The following WDHD1 variants were observed in gnomAD, a reference collection of about 807,000 sequenced individuals.
WDHD1 encodes the protein WD repeat and HMG-box DNA binding protein 1.
A neutral mutation model predicts 135.4 loss-of-function variants in WDHD1; 111 were observed. The ratio of observed to expected loss-of-function variants is 0.82; its 90% CI spans 0.70 to 0.96. The LOEUF (loss-of-function observed/expected upper bound fraction) is 0.96, where lower values mean the gene tolerates loss of function less well. WDHD1 is among the 40% of genes least tolerant of loss of function. The pLI, the probability that WDHD1 is intolerant of heterozygous loss-of-function variation, is 0.00. For missense variants in WDHD1, 1,351 were observed against 1,336.3 expected (o/e 1.01, Z -0.17); for synonymous variants, 434 against 439.0 (o/e 0.99, Z 0.14).
At chr14:55,015,024 G>C (rs1258073959) in intron 2 of WDHD1, among the ~76,000 whole-genome samples, 1 of 152,276 alleles carries the variant, frequency 6.6e-6, no homozygotes. Flanking sequence ...CTTAATGCCA[G>C]AGTAAGGTGG....
In WDHD1 at chr14:54,994,090, C is replaced by A. The variant is rs142138992; in HGVS notation, c.1153+1513G>T. ...AATAAGCACTCTATTTGAAGATTTT[C>A]AATTACAATCTCAATTTCTTCATTT... On this transcript the variant is annotated intron_variant, in intron 11 of 25. Coordinates refer to ENST00000360586, the MANE Select transcript of WDHD1 (RefSeq NM_007086.4). Among the ~76,000 whole-genome samples the A allele has an allele frequency of 3.1e-4, 47 of 150,344 alleles. 1 individual carries two copies. The highest frequency in any genetic ancestry group is 1.1e-3 in the African/African-American group (44 of 39,926).
intron 12 of WDHD1, 144 bp from the exon 13 acceptor site, chr14:54,989,356 T>C: frequency 1.8e-6 from 1 of 555,340 alleles, no homozygotes; most frequent in Non-Finnish European, 3.0e-6. Context: ...CTCATCTATC[T>C]CTAAATAGTT....
chr14:55,019,107 T>C (rs2042304346), intron 2 of WDHD1, among the ~76,000 whole-genome samples: 1 of 152,254 alleles, frequency 6.6e-6, no homozygotes, highest in Non-Finnish European at 1.5e-5. Context: ...AGGCTACAGC[T>C]AATTTTTTAT....
At chr14:55,024,274 C>A (rs189969534) in intron 2 of WDHD1, among the ~76,000 whole-genome samples, 51 of 152,326 alleles carry the variant, frequency 3.3e-4, no homozygotes, top group Non-Finnish European at 2.5e-4. Context: ...AGAAATCCTA[C>A]AATAATCACA....
intron 10 of WDHD1, among the ~76,000 whole-genome samples, chr14:54,999,933 T>G (rs2041952085): frequency 6.6e-6 from 1 of 152,180 alleles, no homozygotes; most frequent in Non-Finnish European, 1.5e-5. Context: ...ACTGACTTCT[T>G]TAACCTTATG....
At chr14:54,985,466 T>A (rs186388236) in intron 14 of WDHD1, among the ~76,000 whole-genome samples, 2 of 152,066 alleles carry the variant, frequency 1.3e-5, no homozygotes, top group Non-Finnish European at 2.9e-5. Context: ...GGCCAGAACA[T>A]GGTAATGAGA....
chr14:55,005,081 A>G, intron 7 of WDHD1: 1 of 539,772 alleles, frequency 1.9e-6, no homozygotes, highest in South Asian at 1.4e-5. Context: ...CAATCTCCTC[A>G]GGAACACTGT....
At chr14:54,955,843 A>G (rs1217363249) in intron 23 of WDHD1, 149 bp from the exon 24 acceptor site, 1 of 709,848 alleles carries the variant, frequency 1.4e-6, no homozygotes, top group African/African-American at 1.9e-5. Context: ...TTGTAAATAA[A>G]TAGGCAAACA....
At chr14:54,993,252 G>C (rs1338701911) in intron 11 of WDHD1, among the ~76,000 whole-genome samples, 2 of 152,022 alleles carry the variant, frequency 1.3e-5, no homozygotes, top group Non-Finnish European at 2.9e-5. Context: ...CAAGTAGGTG[G>C]GATTACAGGC....
At position 54,947,581 on chromosome 14, in the gene WDHD1, G is replaced by C. The variant is rs145788043; in HGVS notation, c.3051-3111C>G. Among the ~76,000 whole-genome samples the C allele has an allele frequency of 5.3e-3, 808 of 152,160 alleles. 10 individuals carry two copies. The highest frequency in any genetic ancestry group is 0.018 in the African/African-American group (764 of 41,528). On this transcript the variant is annotated intron_variant, in intron 24 of 25. Coordinates refer to ENST00000360586, the MANE Select transcript of WDHD1 (RefSeq NM_007086.4). ...GATATATTATGGTAAAAATGAAATT[G>C]TGACTGTTCTTTTCTTTTTGTTTTT... is the stretch of plus-strand genomic sequence containing the variant.
Position 54,962,850 on chromosome 14 carries a change from G to C in WDHD1, c.2535C>G (p.Tyr845Ter), listed in dbSNP as rs745408547. 1 of 1,611,904 alleles carries C rather than the reference G, an allele frequency of 6.2e-7. No individual in the cohort carries two copies. The highest frequency in any genetic ancestry group is 2.2e-5 in the East Asian group (1 of 44,872). The change falls in exon 20 of 26, where the codon TAC (tyrosine) becomes TAG (stop). Residue 845 changes from tyrosine to a stop codon, truncating the protein, a stop_gained. Coordinates refer to ENST00000360586, the MANE Select transcript of WDHD1 (RefSeq NM_007086.4). LOFTEE classifies it high-confidence loss of function. ...EDFRKKLNAG[Y>*]SNTATEWSQP... ...GGCTCCACTCTGTAGCAGTATTGCT[G>C]TAACTAAGAGAAAATAATATTATTC... is the stretch of plus-strand genomic sequence containing the variant.
At chr14:55,014,190 CTCAAGT>C (rs1380173822) in intron 2 of WDHD1, among the ~76,000 whole-genome samples, 2 of 152,198 alleles carry the variant, frequency 1.3e-5, no homozygotes, top group South Asian at 2.1e-4. Flanking sequence ...GCCTCCCAGG[CTCAAGT>C]GATCAAACCA....
chr14:54,957,727 T>C, intron 21 of WDHD1, 92 bp from the exon 22 acceptor site: 2 of 1,072,382 alleles, frequency 1.9e-6, no homozygotes, highest in East Asian at 2.5e-5. Context: ...TAATCCCCAT[T>C]AAATGAAAAC....
chr14:54,941,949 T>G (rs1484640018), intron 25 of WDHD1, among the ~76,000 whole-genome samples: 1 of 152,146 alleles, frequency 6.6e-6, no homozygotes, highest in East Asian at 1.9e-4. Context: ...ATTGCAGTAC[T>G]ATTTAAAAAT....
intron 7 of WDHD1, among the ~76,000 whole-genome samples, chr14:55,004,277 T>C (rs2042026624): frequency 6.6e-6 from 1 of 152,138 alleles, no homozygotes; most frequent in South Asian, 2.1e-4. Flanking sequence ...TAACTTTCCA[T>C]ATACATTTGG....
intron 11 of WDHD1, 78 bp from the exon 12 acceptor site, chr14:54,991,478 T>C: frequency 1.4e-6 from 2 of 1,394,450 alleles, no homozygotes; most frequent in Non-Finnish European, 2.0e-6. Context: ...TGGAATCTAG[T>C]AACTTTTTCA....
chr14:55,022,655 C>G (rs952336857), intron 2 of WDHD1, among the ~76,000 whole-genome samples: 1 of 151,450 alleles, frequency 6.6e-6, no homozygotes, highest in Admixed American at 6.6e-5. Context: ...GCACTCCAGC[C>G]GGTGAGACAG....
intron 16 of WDHD1, among the ~76,000 whole-genome samples, chr14:54,970,079 C>A (rs1286139274): frequency 6.6e-6 from 1 of 152,122 alleles, no homozygotes; most frequent in Non-Finnish European, 1.5e-5. Context: ...TATGGCAAAC[C>A]CACAGACAAC....
intron 7 of WDHD1, 110 bp downstream of exon 7, chr14:55,007,170 G>A: frequency 1.2e-6 from 1 of 836,644 alleles, no homozygotes; most frequent in Non-Finnish European, 1.8e-6. Flanking sequence ...AGAGGTTGCA[G>A]TGAGCCGAGA....
Sources: allele counts gnomAD v4.1 joint callset (sites outside exome capture counted in the v4.1 genomes callset), GRCh38; gene constraint gnomAD v4.1.1; transcripts MANE v1.5; gene names NCBI Gene and HGNC (gene_info 2026-07-23, HGNC 2026-07-21).